PLCB4: variants seen among roughly 807,000 people sequenced by gnomAD.
PLCB4 encodes the protein phospholipase C beta 4, also known as 1-phosphatidylinositol 4,5-bisphosphate phosphodiesterase beta-4.
PLCB4 carries 77 observed loss-of-function variants against 178.8 expected under a neutral mutation model. The ratio of observed to expected loss-of-function variants is 0.43; its 90% CI spans 0.36 to 0.52. The LOEUF (loss-of-function observed/expected upper bound fraction) is 0.52. Among genes scored for constraint, PLCB4 ranks in the 20% least tolerant of loss-of-function variants. The pLI, the probability that PLCB4 is intolerant of heterozygous loss-of-function variation, is 0.00. For synonymous variants in PLCB4, 496 were observed against 490.8 expected (o/e 1.01, Z -0.14); for missense variants, 1,024 against 1,453.4 (o/e 0.70, Z 4.80).
chr20:9,376,484 A>G (rs914726706), intron 12 of PLCB4, among the ~76,000 whole-genome samples: 3 of 152,258 alleles, frequency 2.0e-5, no homozygotes, highest in East Asian at 1.9e-4. Flanking sequence ...TCTTAGTCTC[A>G]TCCAATGGAC....
chr20:9,373,272 G>C (rs2036401876), intron 12 of PLCB4, among the ~76,000 whole-genome samples, 168 bp downstream of exon 12: 1 of 152,160 alleles, frequency 6.6e-6, no homozygotes, highest in South Asian at 2.1e-4. Context: ...CGCCCTGTGT[G>C]TTCATGTGCT....
intron 35 of PLCB4, among the ~76,000 whole-genome samples, chr20:9,463,773 C>G (rs1280440159): frequency 6.6e-6 from 1 of 152,088 alleles, no homozygotes; most frequent in Non-Finnish European, 1.5e-5. Context: ...CATGCAGATT[C>G]ATAAAGCAAG....
intron 38 of PLCB4, among the ~76,000 whole-genome samples, chr20:9,474,195 C>G (rs6086894): frequency 6.7e-6 from 1 of 149,608 alleles, no homozygotes; most frequent in African/African-American, 2.5e-5. Flanking sequence ...CCAGCCTGAG[C>G]GACAGAGTGA....
rs1441659254 is a variant in PLCB4, at chr20:9,395,520, C to T, written c.1415-3C>T. The T allele has an allele frequency of 6.2e-7, 1 of 1,611,086 alleles. No homozygotes were observed. The highest frequency in any genetic ancestry group is 8.5e-7 in the Non-Finnish European group (1 of 1,177,390). ...CCATCTCTTTGCGTGTTTTTGCTAA[C>T]AGAACAGCTGGAAGCTTTGAGAAGC... On this transcript the variant is annotated splice_polypyrimidine_tract_variant and splice_region_variant and intron_variant, in intron 18 of 39. Coordinates refer to ENST00000378473, the MANE Select transcript of PLCB4 (RefSeq NM_001377142.1).
chr20:9,069,054 A>T (rs998230737), upstream of PLCB4: 2 of 153,060 alleles, frequency 1.3e-5, no homozygotes, highest in Non-Finnish European at 2.9e-5. Context: ...CGCCGGGAGC[A>T]GTAAGTGAGC....
chr20:9,413,982 G>A (rs918839141), intron 25 of PLCB4, among the ~76,000 whole-genome samples: 1 of 152,134 alleles, frequency 6.6e-6, no homozygotes, highest in Admixed American at 6.5e-5. Context: ...GAACTCTTGA[G>A]CTCAGGCAAT....
intron 4 of PLCB4, among the ~76,000 whole-genome samples, chr20:9,314,489 A>G (rs747385202): frequency 1.9e-4 from 29 of 151,108 alleles, no homozygotes; most frequent in Non-Finnish European, 3.0e-4. Context: ...TGGAATTTCT[A>G]GCACGGGAAC....
chr20:9,432,851 T>C (rs908905055), intron 28 of PLCB4, among the ~76,000 whole-genome samples: 1 of 152,208 alleles, frequency 6.6e-6, no homozygotes, highest in Non-Finnish European at 1.5e-5. Flanking sequence ...AGAGGAGTCT[T>C]CTGAACATTG....
intron 9 of PLCB4, among the ~76,000 whole-genome samples, chr20:9,367,118 A>T (rs992149377): frequency 4.6e-5 from 7 of 152,110 alleles, no homozygotes; most frequent in African/African-American, 1.7e-4. Context: ...CTCCCTTGAC[A>T]TTACTCTTTT....
intron 2 of PLCB4, among the ~76,000 whole-genome samples, chr20:9,148,669 C>T (rs1002411506): frequency 3.9e-5 from 6 of 152,130 alleles, no homozygotes; most frequent in Admixed American, 3.3e-4. Context: ...TCTAGAATAG[C>T]TGGCACATTA....
chr20:9,109,481 TC>T (rs1180740672), intron 2 of PLCB4, among the ~76,000 whole-genome samples: 1 of 151,936 alleles, frequency 6.6e-6, no homozygotes, highest in African/African-American at 2.4e-5. Flanking sequence ...TTTTTTTTTT[TC>T]GTAATGGCCT....
At chr20:9,435,790 A>C in intron 29 of PLCB4, 142 bp downstream of exon 29, 1 of 537,998 alleles carries the variant, frequency 1.9e-6, no homozygotes, top group Non-Finnish European at 3.3e-6. Context: ...AACAATAGTT[A>C]ACTTTCTACA....
chr20:9,468,804 T>C (rs1013948916), intron 36 of PLCB4, 132 bp downstream of exon 36: 3 of 567,670 alleles, frequency 5.3e-6, no homozygotes, highest in East Asian at 2.8e-5. Flanking sequence ...GGAATTCTGC[T>C]ATTATAACTG....
At chr20:9,327,782 A>G (rs2030941180) in intron 4 of PLCB4, among the ~76,000 whole-genome samples, 1 of 152,192 alleles carries the variant, frequency 6.6e-6, no homozygotes, top group Non-Finnish European at 1.5e-5. Context: ...TCTCGAAAAA[A>G]AAATAATAAT....
intron 9 of PLCB4, among the ~76,000 whole-genome samples, chr20:9,366,015 A>G (rs2035748177): frequency 6.6e-6 from 1 of 152,062 alleles, no homozygotes. Context: ...TACTCTCTAC[A>G]TGTACTGTAA....
At chr20:9,446,325 G>C (rs186395859) in intron 32 of PLCB4, among the ~76,000 whole-genome samples, 11 of 152,312 alleles carry the variant, frequency 7.2e-5, no homozygotes, top group Admixed American at 5.9e-4. Context: ...AAGTGGACAA[G>C]TTCCCTCATT....
Position 9,372,312 on chromosome 20 carries a change from A to G in PLCB4, c.595A>G (p.Ile199Val). The change falls in exon 11 of 40, where the codon ATT (isoleucine) becomes GTT (valine). Residue 199 changes from isoleucine to valine, a missense_variant. By Grantham distance (29) the Ile-to-Val change is conservative (BLOSUM62 3). Transcript: ENST00000378473. ...LGLPSGKNDE[I>V]EPTAFSYEKF... ...ATTTTATTCCTTACAGAATGATGAA[A>G]TTGAGCCCACAGCATTTTCTTATGA... 6.4e-7 allele frequency: 1 copy of G among 1,570,258 alleles called. No individual in the cohort carries two copies. Among genetic ancestry groups the G allele is most frequent in the Non-Finnish European group, 8.8e-7 (1 of 1,141,156 alleles).
intron 4 of PLCB4, among the ~76,000 whole-genome samples, chr20:9,321,205 C>T (rs2094955361): frequency 6.6e-6 from 1 of 152,098 alleles, no homozygotes; most frequent in Non-Finnish European, 1.5e-5. Context: ...TGAGATTTTC[C>T]ACAGTTTACA....
chr20:9,302,351 A>T (rs2094715733), intron 3 of PLCB4, among the ~76,000 whole-genome samples: 1 of 152,088 alleles, frequency 6.6e-6, no homozygotes, highest in Non-Finnish European at 1.5e-5. Context: ...TTTTAAATCA[A>T]TTATCTGGAT....
Sources: allele counts gnomAD v4.1 joint callset (sites outside exome capture counted in the v4.1 genomes callset), GRCh38; gene constraint gnomAD v4.1.1; transcripts MANE v1.5; gene names NCBI Gene and HGNC (gene_info 2026-07-23, HGNC 2026-07-21).